HECW1: variants seen among roughly 807,000 people sequenced by gnomAD.
HECW1 encodes HECT, C2 and WW domain containing E3 ubiquitin protein ligase 1.
In HECW1, 61 loss-of-function variants were observed where a neutral mutation model predicts 182.3. The ratio of observed to expected loss-of-function variants is 0.33; its 90% CI spans 0.27 to 0.41. The LOEUF (loss-of-function observed/expected upper bound fraction) is 0.41, where lower values mean the gene tolerates loss of function less well. HECW1 is among the 10% of genes least tolerant of loss of function. The pLI is 1.00. For synonymous variants in HECW1, 859 were observed against 832.6 expected (o/e 1.03, Z -0.55); for missense variants, 1,739 against 2,108.9 (o/e 0.82, Z 3.44).
At chr7:43,221,311 A>G (rs1397587266) in intron 2 of HECW1, among the ~76,000 whole-genome samples, 1 of 152,080 alleles carries the variant, frequency 6.6e-6, no homozygotes, top group Non-Finnish European at 1.5e-5. Flanking sequence ...GTGGTTTCTG[A>G]CACTGTGTTT....
chr7:43,337,997 G>T (rs1812514531), intron 5 of HECW1, among the ~76,000 whole-genome samples: 1 of 152,182 alleles, frequency 6.6e-6, no homozygotes, highest in Non-Finnish European at 1.5e-5. Flanking sequence ...GCTTTGAGTT[G>T]CCATGTCCTG....
At chr7:43,519,783 A>G (rs2080365956) in intron 24 of HECW1, among the ~76,000 whole-genome samples, 1 of 152,244 alleles carries the variant, frequency 6.6e-6, no homozygotes, top group Admixed American at 6.5e-5. Context: ...GAGAGAAGAA[A>G]AGCAGAAAAG....
At chr7:43,187,114 T>C (rs751066126) in intron 2 of HECW1, among the ~76,000 whole-genome samples, 1 of 152,236 alleles carries the variant, frequency 6.6e-6, no homozygotes, top group African/African-American at 2.4e-5. Flanking sequence ...GGTCTGCTCC[T>C]ATGAGGACTC....
intron 3 of HECW1, among the ~76,000 whole-genome samples, chr7:43,311,024 T>C (rs1482197704): frequency 6.6e-6 from 1 of 152,252 alleles, no homozygotes; most frequent in Non-Finnish European, 1.5e-5. Context: ...GTTAGTGCTC[T>C]GCATCAGGTT....
intron 3 of HECW1, among the ~76,000 whole-genome samples, chr7:43,251,846 A>C (rs1167944532): frequency 6.6e-6 from 1 of 152,084 alleles, no homozygotes; most frequent in African/African-American, 2.4e-5. Flanking sequence ...CTGTTTATTT[A>C]TTTCCATGTG....
At chr7:43,332,349 G>T (rs1356969788) in intron 5 of HECW1, among the ~76,000 whole-genome samples, 6 of 152,152 alleles carry the variant, frequency 3.9e-5, no homozygotes, top group Admixed American at 2.6e-4. Flanking sequence ...ACAACCCAAG[G>T]AAGGGACTGT....
intron 2 of HECW1, among the ~76,000 whole-genome samples, chr7:43,158,180 C>T (rs1226650752): frequency 6.6e-6 from 1 of 152,162 alleles, no homozygotes; most frequent in Non-Finnish European, 1.5e-5. Context: ...TTCTTACAAC[C>T]ACATTGCTTC....
chr7:43,237,604 A>T (rs982176535), intron 2 of HECW1, among the ~76,000 whole-genome samples: 2 of 152,216 alleles, frequency 1.3e-5, no homozygotes, highest in African/African-American at 4.8e-5. Context: ...TATTGTGAGG[A>T]TCAAATGGGT....
chr7:43,555,175 G>A (rs147593035), intron 29 of HECW1, among the ~76,000 whole-genome samples: 34 of 152,288 alleles, frequency 2.2e-4, no homozygotes, highest in Middle Eastern at 3.4e-3. Context: ...CTTCTGCAGC[G>A]TATCACTTGA....
intron 3 of HECW1, among the ~76,000 whole-genome samples, chr7:43,281,310 C>T (rs1009850608): frequency 1.3e-5 from 2 of 152,210 alleles, no homozygotes; most frequent in Middle Eastern, 3.2e-3. Flanking sequence ...CCCCTCTCTG[C>T]GACTTGTTGC....
chr7:43,358,188 C>T (rs1815404854), intron 5 of HECW1, among the ~76,000 whole-genome samples: 1 of 152,168 alleles, frequency 6.6e-6, no homozygotes, highest in Non-Finnish European at 1.5e-5. Context: ...CACCTACAGG[C>T]AGAGTAACTC....
chr7:43,205,450 G>A (rs1795379887), intron 2 of HECW1, among the ~76,000 whole-genome samples: 1 of 152,154 alleles, frequency 6.6e-6, no homozygotes, highest in African/African-American at 2.4e-5. Context: ...TGGGAACTAT[G>A]CTAGTGTTTA....
At chr7:43,211,346 A>G (rs1795990076) in intron 2 of HECW1, among the ~76,000 whole-genome samples, 1 of 152,216 alleles carries the variant, frequency 6.6e-6, no homozygotes. Context: ...TTTAAGTTCC[A>G]TCTGACACAT....
chr7:43,427,508 C>T lies in HECW1; in HGVS notation c.802-10495C>T, dbSNP rs527877123. On this transcript the variant is annotated intron_variant, in intron 8 of 29. Coordinates refer to ENST00000395891, the MANE Select transcript of HECW1 (RefSeq NM_015052.5). ...GTCAACAAATAACTGCATATTTGTT[C>T]AAAGTATATCTCTATTATGCTGTTA... 2.6e-5 allele frequency among the ~76,000 whole-genome samples: 4 copies of T among 152,304 alleles called. No individual in the cohort carries two copies. The South Asian group carries it at 8.3e-4, about 32-fold the overall frequency.
intron 6 of HECW1, among the ~76,000 whole-genome samples, chr7:43,384,496 A>G (rs962969364): frequency 6.6e-6 from 1 of 152,200 alleles, no homozygotes; most frequent in Non-Finnish European, 1.5e-5. Context: ...TCCATGTGGC[A>G]TGTCCATAGG....
intron 14 of HECW1, among the ~76,000 whole-genome samples, chr7:43,465,794 G>A (rs971077302): frequency 3.3e-5 from 5 of 152,122 alleles, no homozygotes; most frequent in African/African-American, 1.2e-4. Flanking sequence ...AGCAGGCTGA[G>A]TATCTGGGAG....
At chr7:43,295,959 A>G (rs1805997392) in intron 3 of HECW1, among the ~76,000 whole-genome samples, 1 of 152,222 alleles carries the variant, frequency 6.6e-6, no homozygotes, top group Non-Finnish European at 1.5e-5. Flanking sequence ...AGATATTTTC[A>G]TTGGCCCATG....
chr7:43,244,665 C>G (rs1562725423), intron 3 of HECW1, among the ~76,000 whole-genome samples: 1 of 152,096 alleles, frequency 6.6e-6, no homozygotes. Context: ...CTGAAGTCTC[C>G]CAGTGGGTAA....
chr7:43,114,197 C>A lies in HECW1; in HGVS notation c.-226C>A. ...TCAGCAGAAACGGATACAGCAAGAG[C>A]AGCATAGTTCAAAAATTGAGGGAGG... On this transcript the variant is annotated 5_prime_UTR_variant, in exon 2 of 30. Transcript: ENST00000395891. The A allele has an allele frequency of 7.6e-7, 1 of 1,309,208 alleles. No homozygotes were observed. The highest frequency in any genetic ancestry group is 1.3e-5 in the South Asian group (1 of 77,298). The allele number at this position is 1,309,208 out of a possible 1,614,324, so 81.1% of individuals were successfully genotyped here. A position where few individuals can be genotyped will look rare whatever the true frequency, so the allele number is the denominator to read the frequency against.
Sources: allele counts gnomAD v4.1 joint callset (sites outside exome capture counted in the v4.1 genomes callset), GRCh38; gene constraint gnomAD v4.1.1; transcripts MANE v1.5; gene names NCBI Gene and HGNC (gene_info 2026-07-23, HGNC 2026-07-21).